The following FAT2 variants were observed in gnomAD, a reference collection of about 807,000 sequenced individuals.
The protein encoded by FAT2 is FAT atypical cadherin 2.
Under a neutral mutation model 295.3 loss-of-function variants are expected in FAT2, and 150 were observed. The ratio of observed to expected loss-of-function variants is 0.51; its 90% CI spans 0.44 to 0.58. The LOEUF (loss-of-function observed/expected upper bound fraction) is 0.58. FAT2 is among the 20% of genes least tolerant of loss of function. The probability of loss-of-function intolerance (pLI) is 0.00; values close to 1 mark genes in which losing one functional copy is unlikely to be tolerated. For missense variants in FAT2, 4,868 were observed against 5,442.7 expected (o/e 0.89, Z 3.32); for synonymous variants, 2,026 against 2,150.3 (o/e 0.94, Z 1.60).
In FAT2 at chr5:151,507,367, C is replaced by G. The variant is rs367689507; in HGVS notation, c.12304G>C (p.Glu4102Gln). Residue 4102 changes from glutamate (E) to glutamine (Q), a missense_variant, in exon 23 of 24, where the codon GAG (glutamate) becomes CAG (glutamine). Physicochemically the swap from Glu to Gln is conservative, Grantham distance 29. Around this residue, in one of 5 missense-constraint regions of FAT2, gnomAD observed 492 missense variants for 482.6 expected, o/e 1.02. Coordinates refer to ENST00000261800, the MANE Select transcript of FAT2 (RefSeq NM_001447.3). ...GAGCTGGCACTCAATGGGTTGAGCT[C>G]GATGGCAGGCATGGCTTGGGTGTCA... ...GVDTQAMPAI[E>Q]LNPLSASSCN... 8 of 1,614,066 alleles carry G rather than the reference C, an allele frequency of 5.0e-6. 1 individual carries two copies. Among genetic ancestry groups the G allele is most frequent in the Non-Finnish European group, 6.8e-6 (8 of 1,180,050 alleles).
rs2127649310 is a variant in FAT2, at chr5:151,568,084, C to T, written c.848G>A (p.Gly283Glu). ...ATVLVDANSS[G>E]AEVESVEVVG... ...AACTTCCACTGACTCCACTTCAGCT[C>T]CTGAGCTATTTGCATCGACCAGTAC... The change falls in exon 2 of 24, where the codon GGA becomes GAA. Residue 283 changes from glycine (G) to glutamate (E), a missense_variant. Transcript: ENST00000261800. The T allele has an allele frequency of 1.9e-6, 3 of 1,614,198 alleles. No homozygotes were observed. Among genetic ancestry groups the T allele is most frequent in the South Asian group, 2.2e-5 (2 of 91,080 alleles).
chr5:151,552,879 C>G (rs1207445187), intron 6 of FAT2, among the ~76,000 whole-genome samples: 4 of 152,248 alleles, frequency 2.6e-5, no homozygotes, highest in Non-Finnish European at 5.9e-5. Context: ...CATTTCTGCT[C>G]TGGGTCTTCC....
In FAT2 at chr5:151,527,326, G is replaced by A. The variant is rs2127586409; in HGVS notation, c.10216C>T (p.Leu3406=). The A allele has an allele frequency of 6.2e-7, 1 of 1,613,744 alleles. No homozygotes were observed. The highest frequency in any genetic ancestry group is 1.3e-5 in the African/African-American group (1 of 75,002). The stretch of plus-strand genomic sequence containing the variant: ...ATAGCGATGTCTGTGTCCTCATGCA[G>A]TGGAGGCTGCCCACTGTCTGTGGCT... ...LRATDSGQPP[L]HEDTDIAIQV... is the part of the protein sequence containing the mutation. Residue 3406 remains leucine (L), a synonymous_variant, in exon 17 of 24, where the codon CTG becomes TTG. Coordinates refer to ENST00000261800, the MANE Select transcript of FAT2 (RefSeq NM_001447.3).
intron 19 of FAT2, among the ~76,000 whole-genome samples, chr5:151,519,114 C>G (rs1233660400): frequency 6.6e-6 from 1 of 152,222 alleles, no homozygotes; most frequent in African/African-American, 2.4e-5. Flanking sequence ...AAGGCCAAGA[C>G]AGGCAGATCA....
At chr5:151,525,582 C>G (rs1036019163) in intron 18 of FAT2, among the ~76,000 whole-genome samples, 186 bp downstream of exon 18, 1 of 152,180 alleles carries the variant, frequency 6.6e-6, no homozygotes, top group Non-Finnish European at 1.5e-5. Flanking sequence ...ATCTGTAAAG[C>G]GGGGTGGTAA....
chr5:151,523,178 C>T (rs1223828549), intron 18 of FAT2, among the ~76,000 whole-genome samples: 2 of 152,072 alleles, frequency 1.3e-5, no homozygotes, highest in African/African-American at 4.8e-5. Context: ...GGAAGTCATG[C>T]ATAACACCGA....
At chr5:151,564,438 A>G (rs1469012192) in intron 2 of FAT2, among the ~76,000 whole-genome samples, 1 of 152,262 alleles carries the variant, frequency 6.6e-6, no homozygotes, top group Admixed American at 6.5e-5. Context: ...GCTTAATTAA[A>G]TTAAGCTGTT....
rs1758260963 is a variant in FAT2, at chr5:151,566,319, G to A, written c.2613C>T (p.Leu871=). The A allele has an allele frequency of 3.1e-6, 5 of 1,614,138 alleles. No homozygotes were observed. Among genetic ancestry groups the A allele is most frequent in the Non-Finnish European group, 4.2e-6 (5 of 1,180,006 alleles). Reference sequence around the variant, plus strand: ...GTCCTGTAACAACCAGTTCCCCAGTGAGAGGGTGGAGGGAGAACTTCTCTG... The same window carrying A: ...GTCCTGTAACAACCAGTTCCCCAGTAAGAGGGTGGAGGGAGAACTTCTCTG... The part of the protein sequence containing the change: ...SPTEKFSLHP[L]TGELVVTGHL... The change falls in exon 2 of 24, where the codon CTC becomes CTT. Residue 871 remains leucine (L), a synonymous_variant. Transcript: ENST00000261800.
intron 1 of FAT2, among the ~76,000 whole-genome samples, chr5:151,587,033 A>G (rs1581479742): frequency 3.3e-5 from 5 of 151,998 alleles, no homozygotes; most frequent in South Asian, 2.1e-4. Flanking sequence ...TCCCAGCTAC[A>G]TAGGAGGCTG....
intron 14 of FAT2, among the ~76,000 whole-genome samples, chr5:151,529,805 C>T (rs556389766): frequency 2.0e-5 from 3 of 152,142 alleles, no homozygotes; most frequent in African/African-American, 7.2e-5. Context: ...AAATGACAGA[C>T]CTCAGGGCAT....
intron 13 of FAT2, 37 bp downstream of exon 13, chr5:151,534,372 G>A (rs762263635): frequency 1.3e-6 from 2 of 1,522,250 alleles, no homozygotes; most frequent in Non-Finnish European, 1.8e-6. Flanking sequence ...TGACCCAGGA[G>A]ATCATTGGAA....
At chr5:151,560,368 T>C (rs1428568453) in intron 3 of FAT2, among the ~76,000 whole-genome samples, 1 of 152,226 alleles carries the variant, frequency 6.6e-6, no homozygotes, top group Non-Finnish European at 1.5e-5. Context: ...TTTCCCAAGA[T>C]GTCATTATTT....
intron 19 of FAT2, 133 bp downstream of exon 19, chr5:151,521,143 T>G: frequency 1.2e-6 from 1 of 833,948 alleles, no homozygotes; most frequent in Non-Finnish European, 1.8e-6. Context: ...CGTCTTATGG[T>G]GATTGGTGGC....
intron 3 of FAT2, among the ~76,000 whole-genome samples, chr5:151,556,694 T>C (rs1757722966): frequency 1.3e-5 from 2 of 152,224 alleles, no homozygotes; most frequent in South Asian, 4.1e-4. Context: ...ACTGAAGTGT[T>C]GAAATATTCA....
intron 1 of FAT2, among the ~76,000 whole-genome samples, chr5:151,588,926 A>C (rs887289800): frequency 7.9e-5 from 12 of 152,190 alleles, no homozygotes; most frequent in African/African-American, 2.9e-4. Context: ...CCATCTTTCA[A>C]ATGAGGAGCC....
chr5:151,554,458 G>T lies in FAT2; in HGVS notation c.3849C>A (p.Ile1283=), dbSNP rs749073196. The part of the protein sequence containing the change: ...EGLNGRVTYS[I]EDSDEEAFSI... ...TGAAGGCCTCCTCATCGCTGTCCTC[G>T]ATACTGTAGGTGACTCTGCCATTAA... Residue 1283 remains isoleucine (I), a synonymous_variant, in exon 5 of 24, where the codon ATC becomes ATA. Transcript: ENST00000261800. 2.5e-6 allele frequency: 4 copies of T among 1,614,054 alleles called. No homozygotes were observed. Among genetic ancestry groups the T allele is most frequent in the Non-Finnish European group, 2.5e-6 (3 of 1,180,040 alleles).
rs779513444 is a variant in FAT2 at position 151,525,810 on chromosome 5, G to A, written c.10464C>T (p.Gly3488=). Residue 3488 remains glycine (G), a synonymous_variant, in exon 18 of 24, where the codon GGC becomes GGT. Transcript: ENST00000261800. ...TPDGWLVTAE[G]LSRRAQEWYQ... ...ACCATTCCTGAGCCCTCCTGCTTAG[G>A]CCCTCAGCAGTCACCAGCCATCCAT... is the stretch of plus-strand genomic sequence containing the variant. 3 of 1,614,104 alleles carry A rather than the reference G, an allele frequency of 1.9e-6. No individual in the cohort carries two copies. Among genetic ancestry groups the A allele is most frequent in the South Asian group, 2.2e-5 (2 of 91,064 alleles).
chr5:151,565,966 A>G lies in FAT2; in HGVS notation c.2966T>C (p.Phe989Ser). 6.2e-7 allele frequency: 1 copy of G among 1,613,992 alleles called. No homozygotes were observed. The highest frequency in any genetic ancestry group is 2.2e-5 in the East Asian group (1 of 44,874). The change falls in exon 2 of 24, where the codon TTT (phenylalanine) becomes TCT (serine). Residue 989 changes from phenylalanine to serine, a missense_variant. Physicochemically the swap from Phe to Ser is radical, Grantham distance 155 (BLOSUM62 -2). This residue lies in a region of FAT2 where 3,297 missense variants were observed against 3,669.4 expected (regional missense o/e 0.90). Transcript: ENST00000261800. ...GALILERELD[F>S]ERRAGYNLSL... is the part of the protein sequence containing the mutation. Reference sequence around the variant, plus strand: ...CAGATTGTACCCAGCTCGCCTCTCAAAGTCCAGCTCTCTCTCCAGAATGAG... The same window carrying G: ...CAGATTGTACCCAGCTCGCCTCTCAGAGTCCAGCTCTCTCTCCAGAATGAG...
At chr5:151,586,316 GC>G (rs1283214112) in intron 1 of FAT2, among the ~76,000 whole-genome samples, 1 of 152,258 alleles carries the variant, frequency 6.6e-6, no homozygotes, top group Non-Finnish European at 1.5e-5. Flanking sequence ...TCCTCTGTGA[GC>G]TCCCTGCCCC....
Sources: gnomAD v4.1 joint callset for allele counts (sites outside exome capture counted in the v4.1 genomes callset) on GRCh38, gnomAD v4.1.1 for gene constraint, gnomAD v4.1.1 regional missense constraint, MANE v1.5 for transcripts, NCBI Gene and HGNC (gene_info 2026-07-23, HGNC 2026-07-21) for gene names.